OSMR: variants seen among roughly 807,000 people sequenced by gnomAD.
OSMR encodes oncostatin-M-specific receptor subunit beta.
OSMR carries 81 observed loss-of-function variants against 99.9 expected under a neutral mutation model. The ratio of observed to expected loss-of-function variants is 0.81; its 90% CI spans 0.68 to 0.97. The LOEUF (loss-of-function observed/expected upper bound fraction) is 0.97, where lower values mean the gene tolerates loss of function less well. Ranked by LOEUF, OSMR falls within the 50% of genes least tolerant of loss-of-function variation. The probability of loss-of-function intolerance (pLI) is 0.00; values close to 1 mark genes in which losing one functional copy is unlikely to be tolerated. For synonymous variants in OSMR, 406 were observed against 410.4 expected, an observed-to-expected ratio of 0.99 and a Z score of 0.13; for missense variants, 1,099 against 1,153.4, an observed-to-expected ratio of 0.95 and a Z score of 0.68.
intron 15 of OSMR, among the ~76,000 whole-genome samples, chr5:38,928,779 C>T (rs1746588558): frequency 6.6e-6 from 1 of 152,238 alleles, no homozygotes; most frequent in East Asian, 1.9e-4. Context: ...AATCCAGAAC[C>T]CCTTATCTGA....
chr5:38,945,482 A>G, downstream of OSMR: 1 of 1,579,612 alleles, frequency 6.3e-7, no homozygotes, highest in East Asian at 2.2e-5. Flanking sequence ...GTGGGACGTG[A>G]TCACTTACCT....
At position 38,855,046 on chromosome 5, in the gene OSMR, G is replaced by A. The variant is rs567621276; in HGVS notation, c.-14+8659G>A. ...AGAGCTGCAGAGGAGACACCACCAA[G>A]GTTGTCCCGGCCAGAGCAGCAGTGA... On this transcript the variant is annotated intron_variant, in intron 1 of 17. Coordinates refer to ENST00000274276, the MANE Select transcript of OSMR (RefSeq NM_003999.3). Among the ~76,000 whole-genome samples the A allele has an allele frequency of 8.5e-5, 13 of 152,260 alleles. No individual in the cohort carries two copies. In the South Asian group the frequency reaches 2.5e-3, roughly 29 times the overall value.
intron 8 of OSMR, 117 bp downstream of exon 8, chr5:38,904,141 T>G: frequency 5.2e-6 from 8 of 1,542,392 alleles, no homozygotes; most frequent in Non-Finnish European, 7.0e-6. Flanking sequence ...ATGGTGTGGG[T>G]CATCTGTTTT....
intron 10 of OSMR, among the ~76,000 whole-genome samples, chr5:38,917,957 A>G (rs775336688): frequency 6.6e-6 from 1 of 152,214 alleles, no homozygotes; most frequent in Non-Finnish European, 1.5e-5. Flanking sequence ...TACTATTTAT[A>G]TTTAAAAATT....
intron 3 of OSMR, among the ~76,000 whole-genome samples, chr5:38,879,958 T>C (rs1290414372): frequency 6.6e-6 from 1 of 152,168 alleles, no homozygotes; most frequent in African/African-American, 2.4e-5. Context: ...TGTTAAATAG[T>C]GAGGGTTTCA....
At chr5:38,910,835 C>G (rs771724629) in intron 9 of OSMR, among the ~76,000 whole-genome samples, 2 of 152,042 alleles carry the variant, frequency 1.3e-5, no homozygotes, top group Non-Finnish European at 2.9e-5. Flanking sequence ...ATGGTGAAAC[C>G]CCATCTCTAC....
At position 38,904,381 on chromosome 5, in the gene OSMR, AG is replaced by A. The variant is rs751466621; in HGVS notation, c.1164del (p.Glu388AspfsTer4). On this transcript the variant is annotated frameshift_variant, in exon 9 of 18. Coordinates refer to ENST00000274276, the MANE Select transcript of OSMR (RefSeq NM_003999.3). LOFTEE classifies it high-confidence loss of function. ...AATGTTTCCATCAAGGTGAACGGTG[AG>A]TACTTCTTAAGTGAACTGGAACCTG... ...QYNVSIKVNG[E>X]YFLSELEPAT... 9.9e-6 allele frequency: 16 copies of A among 1,613,966 alleles called. No homozygotes were observed. Among genetic ancestry groups the A allele is most frequent in the Non-Finnish European group, 1.3e-5 (15 of 1,179,936 alleles).
chr5:38,924,346 T>C, intron 13 of OSMR, 76 bp from the exon 14 acceptor site: 2 of 1,607,714 alleles, frequency 1.2e-6, no homozygotes, highest in African/African-American at 1.3e-5. Flanking sequence ...GCTATGGTTC[T>C]TCTATTAGTT....
intron 2 of OSMR, among the ~76,000 whole-genome samples, chr5:38,871,294 C>A (rs923685065): frequency 6.6e-6 from 1 of 152,246 alleles, no homozygotes; most frequent in African/African-American, 2.4e-5. Context: ...GCTGCTCATG[C>A]TTTCAGCTTC....
At chr5:38,939,737 A>T (rs1027489077), downstream of OSMR, 1 of 228,716 alleles carries the variant, frequency 4.4e-6, no homozygotes, top group Admixed American at 5.7e-5. Flanking sequence ...TTAATCCTAA[A>T]ATCTTTAAAA....
intron 12 of OSMR, 70 bp from the exon 13 acceptor site, chr5:38,923,080 C>T: frequency 1.3e-6 from 2 of 1,599,550 alleles, no homozygotes; most frequent in Non-Finnish European, 1.7e-6. Flanking sequence ...CATGCCTTTT[C>T]ATTCTTTTTC....
chr5:38,861,448 C>T (rs139176105), intron 1 of OSMR, among the ~76,000 whole-genome samples: 10,104 of 152,182 alleles, frequency 0.066, 894 homozygotes, highest in East Asian at 0.46. Flanking sequence ...GTAAGGTCAC[C>T]GATCAACAGG....
chr5:38,850,669 C>T (rs1740285833), intron 1 of OSMR, among the ~76,000 whole-genome samples: 1 of 152,170 alleles, frequency 6.6e-6, no homozygotes, highest in African/African-American at 2.4e-5. Context: ...AAATGTAAGA[C>T]AAAATAATTC....
chr5:38,933,445 C>T lies in OSMR; in HGVS notation c.*1C>T. On this transcript the variant is annotated 3_prime_UTR_variant, in exon 18 of 18. Transcript: ENST00000274276. ...AGATCCAGGTGAACACTACTGCTAACCAGCATGCCGATTTCATACCTTATG... is the reference window on the plus strand; with the variant it reads ...AGATCCAGGTGAACACTACTGCTAATCAGCATGCCGATTTCATACCTTATG... 1.2e-6 allele frequency: 2 copies of T among 1,614,128 alleles called. No individual in the cohort carries two copies. The highest frequency in any genetic ancestry group is 1.1e-5 in the South Asian group (1 of 91,064).
chr5:38,882,593 A>T (rs1252121897), intron 4 of OSMR, among the ~76,000 whole-genome samples: 2 of 151,862 alleles, frequency 1.3e-5, no homozygotes, highest in East Asian at 3.9e-4. Context: ...ACACCAAAAA[A>T]ACAACAGATG....
At chr5:38,921,483 C>T in intron 11 of OSMR, 132 bp from the exon 12 acceptor site, 3 of 1,523,002 alleles carry the variant, frequency 2.0e-6, no homozygotes, top group Non-Finnish European at 2.6e-6. Flanking sequence ...ACCCAAGCAC[C>T]TGTAACTATT....
At chr5:38,901,649 G>T (rs879357781) in intron 7 of OSMR, among the ~76,000 whole-genome samples, 2 of 152,132 alleles carry the variant, frequency 1.3e-5, no homozygotes, top group African/African-American at 2.4e-5. Context: ...TGAGAGGCTG[G>T]TACATCCCAG....
At chr5:38,917,652 T>C (rs778519206) in intron 10 of OSMR, 30 bp downstream of exon 10, 1 of 1,574,318 alleles carries the variant, frequency 6.4e-7, no homozygotes, top group South Asian at 1.1e-5. Context: ...AAAGTCTGAT[T>C]GTTTCCAAAA....
intron 15 of OSMR, chr5:38,931,599 A>G (rs1746754984): frequency 5.8e-6 from 1 of 171,644 alleles, no homozygotes; most frequent in Admixed American, 6.5e-5. Flanking sequence ...GGGGTGGAAA[A>G]GCATAATTTT....
Sources: gnomAD v4.1 joint callset for allele counts (sites outside exome capture counted in the v4.1 genomes callset) on GRCh38, gnomAD v4.1.1 for gene constraint, MANE v1.5 for transcripts, NCBI Gene and HGNC (gene_info 2026-07-23, HGNC 2026-07-21) for gene names.